Variants in CYP46A1 observed in about 807,000 individuals in gnomAD.
The protein encoded by CYP46A1 is cytochrome P450 family 46 subfamily A member 1.
A neutral mutation model predicts 63.3 loss-of-function variants in CYP46A1; 20 were observed. The observed-to-expected ratio is 0.32, with a 90% CI of 0.22 to 0.46. The LOEUF is 0.46. CYP46A1 is among the 20% of genes least tolerant of loss of function. The probability of loss-of-function intolerance (pLI) is 1.00; values close to 1 mark genes in which losing one functional copy is unlikely to be tolerated. For missense variants in CYP46A1, 445 were observed against 670.8 expected (o/e 0.66, Z 3.72); for synonymous variants, 268 against 273.6 (o/e 0.98, Z 0.20).
At chr14:99,684,587 TG>T (rs1401386751) in intron 1 of CYP46A1, 51 bp downstream of exon 1, 3 of 1,387,708 alleles carry the variant, frequency 2.2e-6, no homozygotes, top group Non-Finnish European at 2.9e-6. Flanking sequence ...ACTGGGGGCC[TG>T]GGGACAGCGT....
intron 5 of CYP46A1, chr14:99,703,544 C>T: frequency 6.1e-6 from 6 of 979,748 alleles, no homozygotes; most frequent in Non-Finnish European, 4.8e-6. Flanking sequence ...CTGGAAACCA[C>T]TGTGCTTTTT....
At chr14:99,707,746 C>G (rs2056691987) in intron 7 of CYP46A1, 68 bp downstream of exon 7, 3 of 1,389,040 alleles carry the variant, frequency 2.2e-6, no homozygotes, top group Non-Finnish European at 3.0e-6. Context: ...TGAAGAACCT[C>G]CTTCAGTGAT....
chr14:99,726,822 C>A lies in CYP46A1; in HGVS notation c.*95C>A. ...ACCCACCCTTCTCCCCTGCCCCGTC[C>A]CCTGGGCCACCCTTCACGCTGGCTT... On this transcript the variant is annotated 3_prime_UTR_variant, in exon 15 of 15. Coordinates refer to ENST00000261835, the MANE Select transcript of CYP46A1 (RefSeq NM_006668.2). 2 of 1,025,980 alleles carry A rather than the reference C, an allele frequency of 1.9e-6. No homozygotes were observed. Among genetic ancestry groups the A allele is most frequent in the Non-Finnish European group, 2.7e-6 (2 of 745,992 alleles). The allele number at this position is 1,025,980 out of a possible 1,614,324, so 63.6% of individuals were successfully genotyped here. A position where few individuals can be genotyped will look rare whatever the true frequency, so the allele number is the denominator to read the frequency against.
rs780395313 is a variant in CYP46A1 at position 99,716,180 on chromosome 14, C to T, written c.888C>T (p.Phe296=). Residue 296 remains phenylalanine (F), a synonymous_variant, in exon 9 of 15, where the codon TTC becomes TTT. Coordinates refer to ENST00000261835, the MANE Select transcript of CYP46A1 (RefSeq NM_006668.2). Reference sequence around the variant, plus strand: ...ACGACGAGGGTCTGCTGGACAACTTCGTCACCTTCTTCATTGCTGGTTTGT... The same window carrying T: ...ACGACGAGGGTCTGCTGGACAACTTTGTCACCTTCTTCATTGCTGGTTTGT... ...AQDDEGLLDN[F]VTFFIAGHET... is the part of the protein sequence containing the mutation. 19 of 1,614,246 alleles carry T rather than the reference C, an allele frequency of 1.2e-5. 1 individual carries two copies. In the Middle Eastern group the frequency reaches 4.9e-4, roughly 42 times the overall value.
intron 9 of CYP46A1, among the ~76,000 whole-genome samples, chr14:99,716,473 C>T (rs1382823798): frequency 6.6e-6 from 1 of 152,210 alleles, no homozygotes; most frequent in Non-Finnish European, 1.5e-5. Context: ...TCCCCTCACT[C>T]AGAATTTGTG....
At position 99,715,842 on chromosome 14, in the gene CYP46A1, G is replaced by A. The variant is rs1366660690; in HGVS notation, c.726G>A (p.Glu242=). Residue 242 remains glutamate, a synonymous_variant, in exon 8 of 15, where the codon GAG becomes GAA. Coordinates refer to ENST00000261835, the MANE Select transcript of CYP46A1 (RefSeq NM_006668.2). ...CAGGGAAGAGGAAGCAGCTCCGGGA[G>A]GTCCGGGAGAGCATTCGCTTCCTGC... ...FLPGKRKQLR[E]VRESIRFLRQ... The A allele has an allele frequency of 1.9e-6, 3 of 1,614,130 alleles. No homozygotes were observed. Among genetic ancestry groups the A allele is most frequent in the East Asian group, 4.5e-5 (2 of 44,870 alleles).
chr14:99,690,320 C>G (rs968879898), intron 1 of CYP46A1, among the ~76,000 whole-genome samples: 1 of 152,158 alleles, frequency 6.6e-6, no homozygotes, highest in Non-Finnish European at 1.5e-5. Flanking sequence ...AAACGGACAC[C>G]CACACACTCA....
At chr14:99,691,310 G>GTGAA in intron 2 of CYP46A1, 149 bp downstream of exon 2, 1 of 725,998 alleles carries the variant, frequency 1.4e-6, no homozygotes, top group Non-Finnish European at 2.4e-6. Context: ...AGTGGAGGCA[G>GTGAA]GTGAGGCTGG....
intron 1 of CYP46A1, among the ~76,000 whole-genome samples, chr14:99,688,001 T>C (rs2056509957): frequency 6.6e-6 from 1 of 151,952 alleles, no homozygotes; most frequent in South Asian, 2.1e-4. Flanking sequence ...TCCCCTTTCT[T>C]GGTGGGCCAT....
chr14:99,708,122 T>C, intron 7 of CYP46A1: 1 of 260,982 alleles, frequency 3.8e-6, no homozygotes, highest in Non-Finnish European at 7.5e-6. Flanking sequence ...CTGCACGCAC[T>C]GTCCAGGGAC....
intron 7 of CYP46A1, among the ~76,000 whole-genome samples, chr14:99,714,376 C>A (rs1365854276): frequency 6.6e-6 from 1 of 152,056 alleles, no homozygotes; most frequent in Non-Finnish European, 1.5e-5. Flanking sequence ...GGTATTTATC[C>A]AAAGAAAAAT....
At chr14:99,720,221 T>A (rs1045809151) in intron 10 of CYP46A1, among the ~76,000 whole-genome samples, 4 of 152,218 alleles carry the variant, frequency 2.6e-5, no homozygotes, top group African/African-American at 7.2e-5. Context: ...TCTTTTTAAG[T>A]CCCTGCTTTC....
At position 99,700,304 on chromosome 14, in the gene CYP46A1, T is replaced by A. The variant is rs1441655133; in HGVS notation, c.443+203T>A. On this transcript the variant is annotated intron_variant, in intron 5 of 14. Coordinates refer to ENST00000261835, the MANE Select transcript of CYP46A1 (RefSeq NM_006668.2). ...GACAGGCTGACCAAGTGGGGATGAATGAGGCCCCCACGCAGTTTGGGAACA... is the reference window on the plus strand; with the variant it reads ...GACAGGCTGACCAAGTGGGGATGAAAGAGGCCCCCACGCAGTTTGGGAACA... 2.0e-5 allele frequency among the ~76,000 whole-genome samples: 3 copies of A among 152,150 alleles called. No individual in the cohort carries two copies. The East Asian group carries it at 5.8e-4, about 29-fold the overall frequency.
intron 10 of CYP46A1, among the ~76,000 whole-genome samples, chr14:99,719,004 C>T (rs950603241): frequency 6.6e-5 from 10 of 152,058 alleles, no homozygotes; most frequent in South Asian, 2.1e-4. Flanking sequence ...GCAGCTTTGC[C>T]GTGTTTTTTG....
At chr14:99,726,384 C>A in intron 14 of CYP46A1, 128 bp downstream of exon 14, 1 of 1,199,948 alleles carries the variant, frequency 8.3e-7, no homozygotes, top group Non-Finnish European at 1.1e-6. Context: ...CCCAGCGGAG[C>A]CAGACCCAGA....
chr14:99,699,964 C>CGGGGGGGGGGGGGGGGGGGGGGGGGGGGG, intron 4 of CYP46A1, 51 bp from the exon 5 acceptor site: 9 of 773,846 alleles, frequency 1.2e-5, no homozygotes, highest in African/African-American at 1.8e-5. Context: ...ATCAAGCAGT[C>CGGGGGGGGGGGGGGGGGGGGGGGGGGGGG]GCTCCCCACC....
intron 10 of CYP46A1, among the ~76,000 whole-genome samples, chr14:99,718,571 G>A (rs910585850): frequency 6.6e-6 from 1 of 152,182 alleles, no homozygotes. Flanking sequence ...CTTGTCTTCT[G>A]ATGGCAAGAC....
At chr14:99,717,922 G>A in intron 9 of CYP46A1, 132 bp from the exon 10 acceptor site, 1 of 663,830 alleles carries the variant, frequency 1.5e-6, no homozygotes, top group Middle Eastern at 3.8e-4. Context: ...TCAAGGAAGG[G>A]GCTTTTAGAG....
chr14:99,723,737 T>C (rs912301361), intron 12 of CYP46A1, among the ~76,000 whole-genome samples: 2 of 152,282 alleles, frequency 1.3e-5, no homozygotes, highest in Admixed American at 6.5e-5. Context: ...TTACTTCTTT[T>C]GCTTTGTCTT....
Sources: allele counts gnomAD v4.1 joint callset (sites outside exome capture counted in the v4.1 genomes callset), GRCh38; gene constraint gnomAD v4.1.1; transcripts MANE v1.5; gene names NCBI Gene and HGNC (gene_info 2026-07-23, HGNC 2026-07-21).